HIBADH: variants seen among roughly 807,000 people sequenced by gnomAD.
The protein encoded by HIBADH is 3-hydroxyisobutyrate dehydrogenase.
HIBADH carries 25 observed loss-of-function variants against 36.1 expected under a neutral mutation model. The ratio of observed to expected loss-of-function variants is 0.69; its 90% confidence interval spans 0.50 to 0.97. HIBADH has a LOEUF of 0.97. Ranked by LOEUF, HIBADH falls within the 50% of genes least tolerant of loss-of-function variation. The probability of loss-of-function intolerance (pLI) is 0.00; values close to 1 mark genes in which losing one functional copy is unlikely to be tolerated. For missense variants in HIBADH, 421 were observed against 418.0 expected (o/e 1.01, Z -0.06); for synonymous variants, 160 against 149.5 (o/e 1.07, Z -0.51).
chr7:27,654,295 G>C (rs941626503), intron 1 of HIBADH, among the ~76,000 whole-genome samples: 1 of 152,144 alleles, frequency 6.6e-6, no homozygotes, highest in East Asian at 1.9e-4. Context: ...AATGAGAAGA[G>C]AGAAGTGGGG....
At chr7:27,596,178 C>T (rs188937992) in intron 4 of HIBADH, among the ~76,000 whole-genome samples, 299 of 152,304 alleles carry the variant, frequency 2.0e-3, no homozygotes, top group African/African-American at 7.0e-3. Context: ...GCTCTGCCTC[C>T]AAGAAGGCAC....
At chr7:27,546,650 C>A (rs1414397059) in intron 4 of HIBADH, among the ~76,000 whole-genome samples, 1 of 152,184 alleles carries the variant, frequency 6.6e-6, no homozygotes, top group African/African-American at 2.4e-5. Context: ...ACTGTGAAGA[C>A]TTCTTGCAAA....
chr7:27,526,079 A>G lies in HIBADH; in HGVS notation c.*135T>C, dbSNP rs894911573. On this transcript the variant is annotated 3_prime_UTR_variant, in exon 8 of 8. Transcript: ENST00000265395. ...AAAAGAATAAGCGGTGAAAAATCCT[A>G]GGGATTACTGTGACCTAGACAATCA... 5 of 644,148 alleles carry G rather than the reference A, an allele frequency of 7.8e-6. No homozygotes were observed. Among genetic ancestry groups the G allele is most frequent in the Non-Finnish European group, 1.1e-5 (5 of 437,522 alleles). 39.9% of individuals were successfully genotyped at this position (644,148 alleles called of 1,614,324 possible). A position where few individuals can be genotyped will look rare whatever the true frequency, so the allele number is the denominator to read the frequency against.
At chr7:27,653,443 A>C (rs1786235368) in intron 1 of HIBADH, among the ~76,000 whole-genome samples, 1 of 152,062 alleles carries the variant, frequency 6.6e-6, no homozygotes, top group Non-Finnish European at 1.5e-5. Context: ...ACTATTAGAA[A>C]TACCATGACC....
chr7:27,623,560 A>T (rs1785583053), intron 4 of HIBADH, among the ~76,000 whole-genome samples: 1 of 152,234 alleles, frequency 6.6e-6, no homozygotes, highest in African/African-American at 2.4e-5. Context: ...AAGTTATAGG[A>T]TACAAAATCA....
intron 4 of HIBADH, among the ~76,000 whole-genome samples, chr7:27,549,679 T>C (rs1380264709): frequency 6.6e-6 from 1 of 152,206 alleles, no homozygotes; most frequent in African/African-American, 2.4e-5. Flanking sequence ...ATAAACTGAA[T>C]TGAAGCTTGG....
At chr7:27,556,220 GA>G (rs1363720970) in intron 4 of HIBADH, among the ~76,000 whole-genome samples, 1 of 152,166 alleles carries the variant, frequency 6.6e-6, no homozygotes, top group African/African-American at 2.4e-5. Context: ...GTGTCCTCTA[GA>G]AAAGTCGAGT....
chr7:27,656,654 C>A (rs1786312399), intron 1 of HIBADH, among the ~76,000 whole-genome samples: 1 of 152,148 alleles, frequency 6.6e-6, no homozygotes, highest in Non-Finnish European at 1.5e-5. Context: ...GAGAGTTGGA[C>A]TACTGGGTCG....
intron 4 of HIBADH, among the ~76,000 whole-genome samples, chr7:27,556,606 T>C (rs1214426291): frequency 6.6e-6 from 1 of 152,144 alleles, no homozygotes; most frequent in East Asian, 1.9e-4. Flanking sequence ...GTGTATGGGG[T>C]GAAGTAGGGA....
intron 1 of HIBADH, among the ~76,000 whole-genome samples, chr7:27,651,164 C>T (rs928075230): frequency 6.6e-6 from 1 of 152,174 alleles, no homozygotes; most frequent in Non-Finnish European, 1.5e-5. Context: ...CTTCCCTGAA[C>T]TGAATCTGAA....
At chr7:27,640,616 T>C (rs1785942112) in intron 2 of HIBADH, among the ~76,000 whole-genome samples, 1 of 152,198 alleles carries the variant, frequency 6.6e-6, no homozygotes, top group African/African-American at 2.4e-5. Flanking sequence ...CAGGTGGCCA[T>C]TTTCCACCTT....
intron 2 of HIBADH, among the ~76,000 whole-genome samples, chr7:27,636,753 G>T (rs1001054920): frequency 6.6e-6 from 1 of 152,186 alleles, no homozygotes; most frequent in Admixed American, 6.5e-5. Flanking sequence ...CAATGAAAAT[G>T]AAGCACAAGT....
intron 4 of HIBADH, among the ~76,000 whole-genome samples, chr7:27,597,489 G>C (rs2128289793): frequency 6.6e-6 from 1 of 151,510 alleles, no homozygotes; most frequent in Admixed American, 6.6e-5. Flanking sequence ...CAATAATCCT[G>C]TATTTTCAGG....
chr7:27,650,793 A>C (rs1488097942), intron 1 of HIBADH, among the ~76,000 whole-genome samples: 4 of 151,266 alleles, frequency 2.6e-5, no homozygotes, highest in Non-Finnish European at 5.9e-5. Context: ...TTTTGAAATT[A>C]CTCCGTGGGC....
At chr7:27,626,465 T>C (rs1246889362) in intron 4 of HIBADH, among the ~76,000 whole-genome samples, 1 of 152,152 alleles carries the variant, frequency 6.6e-6, no homozygotes, top group East Asian at 1.9e-4. Context: ...TTGTATTCTT[T>C]CTAATAAGGA....
chr7:27,540,409 A>G (rs1349905615), intron 5 of HIBADH, among the ~76,000 whole-genome samples: 2 of 152,138 alleles, frequency 1.3e-5, no homozygotes, highest in African/African-American at 4.8e-5. Flanking sequence ...TCCAAGATCC[A>G]TATCTTGAAA....
At chr7:27,654,249 T>A (rs556298084) in intron 1 of HIBADH, among the ~76,000 whole-genome samples, 202 of 152,182 alleles carry the variant, frequency 1.3e-3, no homozygotes, top group Non-Finnish European at 2.2e-3. Context: ...TGAGACAGCT[T>A]CAACCACCCA....
chr7:27,653,565 C>T lies in HIBADH; in HGVS notation c.92-3932G>A, dbSNP rs1385113377. ...CGTGGCTAACATGGTGAAACCCCGT[C>T]TCTACTAAAAATACAAAAAAAATTA... On this transcript the variant is annotated intron_variant, in intron 1 of 7. Transcript: ENST00000265395. Among the ~76,000 whole-genome samples the T allele has an allele frequency of 2.0e-5, 3 of 152,072 alleles. No individual in the cohort carries two copies. In the East Asian group the frequency reaches 5.8e-4, roughly 29 times the overall value.
intron 7 of HIBADH, among the ~76,000 whole-genome samples, chr7:27,529,322 C>T (rs1428657818): frequency 1.3e-5 from 2 of 152,086 alleles, no homozygotes; most frequent in Non-Finnish European, 1.5e-5. Flanking sequence ...ATAGTGATTC[C>T]TCTGACAGCT....
Sources: gnomAD v4.1 joint callset for allele counts (sites outside exome capture counted in the v4.1 genomes callset) on GRCh38, gnomAD v4.1.1 for gene constraint, MANE v1.5 for transcripts, NCBI Gene and HGNC (gene_info 2026-07-23, HGNC 2026-07-21) for gene names.